The following PLXDC2 variants were observed in gnomAD, a reference collection of about 807,000 sequenced individuals.
PLXDC2 encodes plexin domain-containing protein 2.
PLXDC2 carries 40 observed loss-of-function variants against 68.9 expected under a neutral mutation model. The ratio of observed to expected loss-of-function variants is 0.58; its 90% CI spans 0.45 to 0.76. The LOEUF is 0.76. Among genes scored for constraint, PLXDC2 ranks in the 30% least tolerant of loss-of-function variants. The probability of loss-of-function intolerance (pLI) is 0.00; values close to 1 mark genes in which losing one functional copy is unlikely to be tolerated. For synonymous variants in PLXDC2, 243 were observed against 234.2 expected (o/e 1.04, Z -0.34); for missense variants, 644 against 661.9 (o/e 0.97, Z 0.30).
At chr10:20,094,949 G>A (rs939913961) in intron 4 of PLXDC2, among the ~76,000 whole-genome samples, 1 of 152,160 alleles carries the variant, frequency 6.6e-6, no homozygotes, top group Non-Finnish European at 1.5e-5. Flanking sequence ...GCTGGATCCT[G>A]TAATTATAAA....
At chr10:20,087,369 TA>T (rs1833213870) in intron 4 of PLXDC2, among the ~76,000 whole-genome samples, 1 of 151,982 alleles carries the variant, frequency 6.6e-6, no homozygotes, top group Admixed American at 6.6e-5. Flanking sequence ...TTATTACTAC[TA>T]AAAATGGTTG....
chr10:20,134,414 C>T (rs769167109), intron 4 of PLXDC2, among the ~76,000 whole-genome samples: 31 of 152,158 alleles, frequency 2.0e-4, no homozygotes, highest in Admixed American at 9.8e-4. Flanking sequence ...TCTGTGCCAG[C>T]GGCTGACAAA....
At chr10:20,038,724 A>T (rs1589599467) in intron 2 of PLXDC2, among the ~76,000 whole-genome samples, 1 of 152,222 alleles carries the variant, frequency 6.6e-6, no homozygotes, top group East Asian at 1.9e-4. Flanking sequence ...AACCCAGTGA[A>T]AGAAAGCTAA....
intron 1 of PLXDC2, among the ~76,000 whole-genome samples, chr10:19,886,528 A>T (rs1837849388): frequency 6.6e-6 from 1 of 152,216 alleles, no homozygotes; most frequent in Admixed American, 6.5e-5. Context: ...CAAAAACCAC[A>T]TGATTTTTTC....
At chr10:20,267,934 TC>T (rs1251693045) in intron 13 of PLXDC2, among the ~76,000 whole-genome samples, 1 of 152,000 alleles carries the variant, frequency 6.6e-6, no homozygotes, top group Non-Finnish European at 1.5e-5. Context: ...TATCAGCACT[TC>T]CTTATCACAG....
chr10:19,958,221 G>A (rs1834102083), intron 1 of PLXDC2, among the ~76,000 whole-genome samples: 1 of 152,034 alleles, frequency 6.6e-6, no homozygotes, highest in South Asian at 2.1e-4. Context: ...AATCAAGCCT[G>A]ATTGTATAGC....
At chr10:20,029,142 C>G (rs1835456529) in intron 2 of PLXDC2, among the ~76,000 whole-genome samples, 1 of 152,086 alleles carries the variant, frequency 6.6e-6, no homozygotes, top group Non-Finnish European at 1.5e-5. Flanking sequence ...CTTCTATGAA[C>G]CTTATTTTTC....
In PLXDC2 at chr10:19,857,498, T is replaced by C. The variant is rs559885693; in HGVS notation, c.112+40307T>C. On this transcript the variant is annotated intron_variant, in intron 1 of 13. Transcript: ENST00000377252. ...CAAGAATTATTCATATACTTAAATA[T>C]TCTTCTCATCAATTTAGAAGATATC... Among the ~76,000 whole-genome samples the C allele has an allele frequency of 3.3e-5, 5 of 152,358 alleles. No individual in the cohort carries two copies. The East Asian group carries it at 7.7e-4, about 23-fold the overall frequency.
chr10:20,011,850 C>G (rs1328271048), intron 2 of PLXDC2, among the ~76,000 whole-genome samples: 1 of 152,178 alleles, frequency 6.6e-6, no homozygotes, highest in African/African-American at 2.4e-5. Context: ...AACTTATGTA[C>G]AAAGACTAAT....
chr10:20,243,045 G>T (rs1835538766), intron 12 of PLXDC2, among the ~76,000 whole-genome samples: 1 of 152,078 alleles, frequency 6.6e-6, no homozygotes, highest in Admixed American at 6.5e-5. Flanking sequence ...TTTTACATTA[G>T]TTTTTCTTTG....
chr10:19,823,775 C>T (rs1485042173), intron 1 of PLXDC2, among the ~76,000 whole-genome samples: 1 of 152,120 alleles, frequency 6.6e-6, no homozygotes, highest in Non-Finnish European at 1.5e-5. Context: ...TTGCTTGAGT[C>T]CACGATTTGG....
intron 7 of PLXDC2, among the ~76,000 whole-genome samples, chr10:20,170,410 G>A (rs1233990111): frequency 1.3e-5 from 2 of 152,056 alleles, no homozygotes; most frequent in African/African-American, 2.4e-5. Context: ...GGATGATCTC[G>A]AACTCCTGAC....
At chr10:20,057,110 C>T (rs10508609) in intron 3 of PLXDC2, among the ~76,000 whole-genome samples, 40,855 of 151,956 alleles carry the variant, frequency 0.27, 7,170 homozygotes, top group African/African-American at 0.5. Context: ...TGAAGACTTA[C>T]GATGGTTTAA....
intron 1 of PLXDC2, among the ~76,000 whole-genome samples, chr10:19,983,466 A>G (rs1291294274): frequency 2.0e-5 from 3 of 152,144 alleles, no homozygotes; most frequent in Admixed American, 2.0e-4. Flanking sequence ...CTTTTTTGGA[A>G]GTCAAGTCAG....
Position 20,230,540 on chromosome 10 carries a change from C to A in PLXDC2, c.1312+11438C>A. Reference sequence around the variant, plus strand: ...CAAAAAAATTAGCCGAGCATGGTGGCGTGCACTTGTAGTCCCAGCTACATG... The same window carrying A: ...CAAAAAAATTAGCCGAGCATGGTGGAGTGCACTTGTAGTCCCAGCTACATG... On this transcript the variant is annotated intron_variant, in intron 12 of 13. Coordinates refer to ENST00000377252, the MANE Select transcript of PLXDC2 (RefSeq NM_032812.9). Among the ~76,000 whole-genome samples the A allele has an allele frequency of 2.0e-5, 3 of 151,076 alleles. No homozygotes were observed. In the Middle Eastern group the frequency reaches 0.01, roughly 517 times the overall value.
At chr10:20,141,867 ATAGTGC>A (rs1834011303) in intron 4 of PLXDC2, among the ~76,000 whole-genome samples, 1 of 152,088 alleles carries the variant, frequency 6.6e-6, no homozygotes, top group African/African-American at 2.4e-5. Context: ...GTTTTGAAAG[ATAGTGC>A]TTGGCAAATA....
chr10:20,166,120 A>C (rs550302161), intron 7 of PLXDC2, among the ~76,000 whole-genome samples: 6 of 151,926 alleles, frequency 3.9e-5, no homozygotes, highest in Non-Finnish European at 8.8e-5. Context: ...TTGTGACTTG[A>C]GGTGATTATA....
chr10:20,020,345 C>T (rs953004249), intron 2 of PLXDC2, among the ~76,000 whole-genome samples: 3 of 151,908 alleles, frequency 2.0e-5, no homozygotes, highest in Admixed American at 1.3e-4. Flanking sequence ...GCATGGATAG[C>T]CGACAATACC....
chr10:19,905,172 GA>G (rs1472512199), intron 1 of PLXDC2, among the ~76,000 whole-genome samples: 3 of 152,216 alleles, frequency 2.0e-5, no homozygotes, highest in Admixed American at 1.3e-4. Context: ...CTTGTTGATA[GA>G]TGAGCACAGT....
Sources: allele counts gnomAD v4.1 joint callset (sites outside exome capture counted in the v4.1 genomes callset), GRCh38; gene constraint gnomAD v4.1.1; transcripts MANE v1.5; gene names NCBI Gene and HGNC (gene_info 2026-07-23, HGNC 2026-07-21).